The following RFX8 variants were observed in gnomAD, a reference collection of about 807,000 sequenced individuals.
The protein encoded by RFX8 is regulatory factor X8, also known as DNA-binding protein RFX8.
Under a neutral mutation model 54.6 loss-of-function variants are expected in RFX8, and 46 were observed. That is an observed-to-expected ratio of 0.84 (90% CI 0.67 to 1.08). RFX8 has a LOEUF of 1.08. RFX8 is among the 50% of genes least tolerant of loss of function. The pLI is 0.00. For synonymous variants in RFX8, 192 were observed against 209.5 expected, an observed-to-expected ratio of 0.92 and a Z score of 0.72; for missense variants, 536 against 562.3, an observed-to-expected ratio of 0.95 and a Z score of 0.47.
chr2:101,463,491 G>A (rs1689400413), intron 2 of RFX8, among the ~76,000 whole-genome samples: 2 of 152,148 alleles, frequency 1.3e-5, no homozygotes, highest in South Asian at 2.1e-4. Context: ...GAATGGCTGC[G>A]ACCTCTCCAT....
intron 2 of RFX8, among the ~76,000 whole-genome samples, chr2:101,459,852 T>C (rs938001387): frequency 6.6e-6 from 1 of 152,186 alleles, no homozygotes; most frequent in Non-Finnish European, 1.5e-5. Context: ...GTGGAGTCCA[T>C]AGAGGCAGTA....
intron 2 of RFX8, chr2:101,450,800 C>T: frequency 1.6e-6 from 1 of 620,334 alleles, no homozygotes. Context: ...GCATTGGCTG[C>T]ATTTCTCTGG....
At chr2:101,420,697 C>T (rs1216579812) in intron 4 of RFX8, among the ~76,000 whole-genome samples, 3 of 152,218 alleles carry the variant, frequency 2.0e-5, no homozygotes, top group Non-Finnish European at 4.4e-5. Flanking sequence ...ACCCCATTTT[C>T]TGTCTATTGC....
chr2:101,430,628 G>A (rs1473978901), intron 2 of RFX8, among the ~76,000 whole-genome samples: 1 of 152,182 alleles, frequency 6.6e-6, no homozygotes, highest in African/African-American at 2.4e-5. Context: ...TTCCAGAACT[G>A]TGAGAAAATA....
chr2:101,423,022 G>A (rs2104587296), intron 2 of RFX8, among the ~76,000 whole-genome samples: 1 of 152,162 alleles, frequency 6.6e-6, no homozygotes, highest in Middle Eastern at 3.4e-3. Context: ...CTTTGGGAGG[G>A]CGAGGCGGGT....
chr2:101,407,474 T>C (rs1391102979), intron 9 of RFX8, among the ~76,000 whole-genome samples: 4 of 152,246 alleles, frequency 2.6e-5, no homozygotes, highest in African/African-American at 4.8e-5. Context: ...GGTGGATCAT[T>C]TGAGGTCAGG....
At chr2:101,419,763 A>C (rs1199560305) in intron 4 of RFX8, among the ~76,000 whole-genome samples, 1 of 152,238 alleles carries the variant, frequency 6.6e-6, no homozygotes, top group Non-Finnish European at 1.5e-5. Context: ...TTACATGGCC[A>C]CAGGCGCTGA....
intron 2 of RFX8, among the ~76,000 whole-genome samples, chr2:101,459,921 C>T (rs374838807): frequency 2.0e-5 from 3 of 152,204 alleles, no homozygotes; most frequent in Non-Finnish European, 4.4e-5. Context: ...ACTTTGTTTA[C>T]GTACTCAAGC....
Position 101,452,281 on chromosome 2 carries a change from T to G in RFX8, c.72+14496A>C, listed in dbSNP as rs147141653. On this transcript the variant is annotated intron_variant, in intron 2 of 11. Coordinates refer to ENST00000428343, the MANE Select transcript of RFX8 (RefSeq NM_001145664.2). Reference sequence around the variant, plus strand: ...ATTGTGGACACTCTTTGGTAAGAGTTGTTATTTATAGTTTGTTTTGTTTTG... The same window carrying G: ...ATTGTGGACACTCTTTGGTAAGAGTGGTTATTTATAGTTTGTTTTGTTTTG... 1,877 of 616,610 alleles carry G rather than the reference T, an allele frequency of 3.0e-3. 21 individuals are homozygous for G. In the African/African-American group the frequency reaches 0.033, roughly 11 times the overall value. 38.2% of individuals were successfully genotyped at this position (616,610 alleles called of 1,614,324 possible).
intron 9 of RFX8, among the ~76,000 whole-genome samples, 189 bp from the exon 10 acceptor site, chr2:101,406,246 A>G (rs1348268876): frequency 1.3e-5 from 2 of 151,914 alleles, no homozygotes; most frequent in Non-Finnish European, 2.9e-5. Flanking sequence ...TTCCATGGAG[A>G]CGGTTCCAGG....
chr2:101,459,196 T>C (rs1246280402), intron 2 of RFX8, among the ~76,000 whole-genome samples: 1 of 152,220 alleles, frequency 6.6e-6, no homozygotes, highest in Non-Finnish European at 1.5e-5. Context: ...TTACCGACCT[T>C]CTGAAGCCTA....
intron 2 of RFX8, among the ~76,000 whole-genome samples, chr2:101,455,550 C>G (rs557680026): frequency 3.3e-5 from 5 of 152,098 alleles, no homozygotes; most frequent in Non-Finnish European, 7.4e-5. Context: ...ATTTCTGAGG[C>G]CTCTGTTCTG....
chr2:101,429,137 A>G, intron 2 of RFX8: 1 of 612,646 alleles, frequency 1.6e-6, no homozygotes, highest in Non-Finnish European at 2.9e-6. Flanking sequence ...TTATTGAAAA[A>G]CCCTCTGCCA....
At chr2:101,430,745 T>C (rs1687438276) in intron 2 of RFX8, among the ~76,000 whole-genome samples, 1 of 152,212 alleles carries the variant, frequency 6.6e-6, no homozygotes, top group South Asian at 2.1e-4. Flanking sequence ...ATTATGCAGT[T>C]TCTTCAGGTA....
chr2:101,415,360 C>T (rs1047578247), intron 6 of RFX8, among the ~76,000 whole-genome samples: 2 of 152,220 alleles, frequency 1.3e-5, no homozygotes, highest in Admixed American at 1.3e-4. Flanking sequence ...AACTAGTAAG[C>T]AGACCTTCCC....
intron 11 of RFX8, among the ~76,000 whole-genome samples, chr2:101,399,924 G>A (rs1685335627): frequency 6.6e-6 from 1 of 152,172 alleles, no homozygotes; most frequent in Admixed American, 6.5e-5. Flanking sequence ...GAGAGAGAAT[G>A]CTGAGAAGGA....
At chr2:101,439,802 T>C (rs1687990147) in intron 2 of RFX8, among the ~76,000 whole-genome samples, 1 of 151,730 alleles carries the variant, frequency 6.6e-6, no homozygotes, top group South Asian at 2.1e-4. Context: ...AACCTCCACC[T>C]CCTGGGTTCA....
chr2:101,469,375 C>A (rs761867281), intron 1 of RFX8, among the ~76,000 whole-genome samples: 4 of 151,724 alleles, frequency 2.6e-5, no homozygotes, highest in Non-Finnish European at 5.9e-5. Flanking sequence ...CTAGTGCTGA[C>A]CTCCTGTTGT....
At chr2:101,452,632 G>T (rs547309117) in intron 2 of RFX8, among the ~76,000 whole-genome samples, 11 of 152,200 alleles carry the variant, frequency 7.2e-5, no homozygotes, top group South Asian at 2.1e-4. Flanking sequence ...ATGAAATTTT[G>T]GGGGAAAAAA....
Sources: gnomAD v4.1 joint callset for allele counts (sites outside exome capture counted in the v4.1 genomes callset) on GRCh38, gnomAD v4.1.1 for gene constraint, MANE v1.5 for transcripts, NCBI Gene and HGNC (gene_info 2026-07-23, HGNC 2026-07-21) for gene names.